The following PLCH1 variants were observed in gnomAD, a reference collection of about 807,000 sequenced individuals.
The protein encoded by PLCH1 is 1-phosphatidylinositol 4,5-bisphosphate phosphodiesterase eta-1.
PLCH1 carries 60 observed loss-of-function variants against 126.7 expected under a neutral mutation model. The ratio of observed to expected loss-of-function variants is 0.47; its 90% CI spans 0.38 to 0.59. The LOEUF is 0.59. Among genes scored for constraint, PLCH1 ranks in the 20% least tolerant of loss-of-function variants. PLCH1 has a pLI of 0.00. For synonymous variants in PLCH1, 719 were observed against 734.9 expected (o/e 0.98, Z 0.35); for missense variants, 1,723 against 2,040.0 (o/e 0.84, Z 2.99).
intron 2 of PLCH1, among the ~76,000 whole-genome samples, chr3:155,670,381 A>C (rs1743285291): frequency 6.6e-6 from 1 of 152,198 alleles, no homozygotes; most frequent in Admixed American, 6.5e-5. Flanking sequence ...GAAAATATTC[A>C]CATGGATTTT....
chr3:155,608,361 G>T (rs1734612548), intron 2 of PLCH1, among the ~76,000 whole-genome samples: 1 of 152,190 alleles, frequency 6.6e-6, no homozygotes, highest in African/African-American at 2.4e-5. Flanking sequence ...AGGAGCCATG[G>T]CTGACAGTGT....
intron 2 of PLCH1, among the ~76,000 whole-genome samples, chr3:155,697,473 C>T (rs762458966): frequency 2.0e-5 from 3 of 152,036 alleles, no homozygotes; most frequent in Non-Finnish European, 4.4e-5. Context: ...CCCCTCACCC[C>T]CAGAAAGAAG....
chr3:155,550,809 T>A lies in PLCH1; in HGVS notation c.1191-851A>T, dbSNP rs542393662. 2.0e-4 allele frequency among the ~76,000 whole-genome samples: 31 copies of A among 152,286 alleles called. No homozygotes were observed. The East Asian group carries it at 5.8e-3, about 28-fold the overall frequency. On this transcript the variant is annotated intron_variant, in intron 9 of 22. Coordinates refer to ENST00000460012, the MANE Select transcript of PLCH1 (RefSeq NM_014996.4). ...CACCTAATATATCAACATATACCAA[T>A]ATTTAAATCACCTAATATATCAATG...
intron 12 of PLCH1, among the ~76,000 whole-genome samples, chr3:155,513,714 T>C (rs1049103978): frequency 1.3e-5 from 2 of 152,328 alleles, no homozygotes; most frequent in African/African-American, 4.8e-5. Context: ...ACCTTTTGGT[T>C]GTCTCCCCAG....
At chr3:155,711,126 A>T (rs1747097859) in intron 1 of PLCH1, among the ~76,000 whole-genome samples, 1 of 152,178 alleles carries the variant, frequency 6.6e-6, no homozygotes, top group South Asian at 2.1e-4. Context: ...GACTCTACTC[A>T]AAGACACCAA....
intron 14 of PLCH1, among the ~76,000 whole-genome samples, chr3:155,499,275 G>A (rs1287763370): frequency 6.6e-6 from 1 of 152,148 alleles, no homozygotes; most frequent in Non-Finnish European, 1.5e-5. Context: ...GGGTAAGTGA[G>A]GGGAATGTGA....
intron 2 of PLCH1, among the ~76,000 whole-genome samples, chr3:155,687,283 T>C (rs1024364697): frequency 6.6e-6 from 1 of 152,186 alleles, no homozygotes; most frequent in South Asian, 2.1e-4. Flanking sequence ...TCCTCATTCA[T>C]AGTCGACTAG....
chr3:155,467,087 C>T (rs1404195342), intron 21 of PLCH1, among the ~76,000 whole-genome samples: 3 of 151,970 alleles, frequency 2.0e-5, no homozygotes, highest in African/African-American at 4.8e-5. Flanking sequence ...TATTCAAAGG[C>T]ATAAAAACAG....
rs189530562 is a variant in PLCH1 at position 155,708,392 on chromosome 3, G to T, written c.-40-4128C>A. The stretch of plus-strand genomic sequence containing the variant: ...TCACTAAAGGGATTCAAGTGAAAGG[G>T]ATGTTAGACTTCAACTAAGACAAAC... On this transcript the variant is annotated intron_variant, in intron 1 of 22. Transcript: ENST00000460012. Among the ~76,000 whole-genome samples, 6 of 152,046 alleles carry T rather than the reference G, an allele frequency of 3.9e-5. No homozygotes were observed. In the East Asian group the frequency reaches 1.2e-3, roughly 29 times the overall value.
chr3:155,744,282 C>G (rs1749828915), intron 1 of PLCH1, among the ~76,000 whole-genome samples: 1 of 152,180 alleles, frequency 6.6e-6, no homozygotes, highest in Admixed American at 6.5e-5. Context: ...CTCGGGCGCT[C>G]TTGGTTCTTC....
intron 1 of PLCH1, chr3:155,743,851 T>C (rs939057899): frequency 2.7e-5 from 5 of 186,728 alleles, no homozygotes; most frequent in African/African-American, 1.2e-4. Context: ...AACAATCACT[T>C]CACTGAATTT....
intron 10 of PLCH1, among the ~76,000 whole-genome samples, chr3:155,541,998 G>A (rs143055475): frequency 0.069 from 10,508 of 152,256 alleles, 414 homozygotes; most frequent in African/African-American, 0.095. Context: ...CTGAGGTACC[G>A]GGTTCATCTC....
chr3:155,481,107 T>C lies in PLCH1; in HGVS notation c.4919A>G (p.Glu1640Gly). Reference protein sequence around the residue: ...YLKNTKGGGLEGRGIPEGACT... With the variant: ...YLKNTKGGGLGGRGIPEGACT... ...TGCCCCCTCTGGGATGCCCCGGCCT[T>C]CAAGGCCACCCCCTTTCGTGTTCTT... is the stretch of plus-strand genomic sequence containing the variant. The change falls in exon 23 of 23, where the codon GAA becomes GGA. Residue 1640 changes from glutamate to glycine, a missense_variant. Glu to Gly is a moderately conservative substitution (Grantham distance 98). Transcript: ENST00000460012. This position sits in a 1 kb window ranked among gnomAD's most constrained non-coding sequence, Gnocchi z 4.2. 2 of 1,614,194 alleles carry C rather than the reference T, an allele frequency of 1.2e-6. No individual in the cohort carries two copies. The highest frequency in any genetic ancestry group is 1.3e-5 in the African/African-American group (1 of 75,064).
At chr3:155,524,634 G>A (rs1345006540) in intron 10 of PLCH1, among the ~76,000 whole-genome samples, 1 of 152,090 alleles carries the variant, frequency 6.6e-6, no homozygotes, top group Non-Finnish European at 1.5e-5. Context: ...TTCAAAAAAG[G>A]GAAGTCTTAT....
chr3:155,530,523 T>C (rs1446063846), intron 10 of PLCH1, among the ~76,000 whole-genome samples: 1 of 152,134 alleles, frequency 6.6e-6, no homozygotes, highest in African/African-American at 2.4e-5. Context: ...TTCACTGTGT[T>C]AGCCAGGCTG....
intron 22 of PLCH1, among the ~76,000 whole-genome samples, chr3:155,483,945 T>C (rs1431953536): frequency 6.6e-6 from 1 of 151,988 alleles, no homozygotes; most frequent in Non-Finnish European, 1.5e-5. Flanking sequence ...TTAAATAGTT[T>C]CCAAACTAAA....
intron 2 of PLCH1, among the ~76,000 whole-genome samples, chr3:155,686,229 G>A (rs924744001): frequency 4.6e-5 from 7 of 152,154 alleles, no homozygotes; most frequent in African/African-American, 1.7e-4. Flanking sequence ...TGTGGTTGAG[G>A]GGAAGAAGAG....
At chr3:155,488,504 A>C (rs983638957) in intron 20 of PLCH1, among the ~76,000 whole-genome samples, 156 bp downstream of exon 20, 2 of 151,400 alleles carry the variant, frequency 1.3e-5, no homozygotes, top group African/African-American at 4.9e-5. Flanking sequence ...GCCCAACTAT[A>C]CTCCTTTACA....
chr3:155,463,471 C>T (rs1229276191), intron 21 of PLCH1, among the ~76,000 whole-genome samples: 1 of 152,124 alleles, frequency 6.6e-6, no homozygotes, highest in East Asian at 1.9e-4. Context: ...TCAGAAAAGG[C>T]AATGGTGTGT....
Sources: gnomAD v4.1 joint callset for allele counts (sites outside exome capture counted in the v4.1 genomes callset) on GRCh38, gnomAD v4.1.1 for gene constraint, Gnocchi (gnomAD v3.1) non-coding constraint, MANE v1.5 for transcripts, NCBI Gene and HGNC (gene_info 2026-07-23, HGNC 2026-07-21) for gene names.